The following CLDN10 variants were observed in gnomAD, a reference collection of about 807,000 sequenced individuals.
CLDN10 encodes the protein claudin 10, also known as claudin-10.
CLDN10 carries 15 observed loss-of-function variants against 22.9 expected under a neutral mutation model. That is an observed-to-expected ratio of 0.65 (90% CI 0.44 to 1.01). The LOEUF (loss-of-function observed/expected upper bound fraction) is 1.01, where lower values mean the gene tolerates loss of function less well. CLDN10 is among the 50% of genes least tolerant of loss of function. The probability of loss-of-function intolerance (pLI) is 0.00; values close to 1 mark genes in which losing one functional copy is unlikely to be tolerated. For missense variants in CLDN10, 247 were observed against 287.8 expected, an observed-to-expected ratio of 0.86 and a Z score of 1.03; for synonymous variants, 114 against 111.4, an observed-to-expected ratio of 1.02 and a Z score of -0.15.
At chr13:95,435,863 C>T (rs2042264215) in intron 1 of CLDN10, among the ~76,000 whole-genome samples, 1 of 151,202 alleles carries the variant, frequency 6.6e-6, no homozygotes, top group Non-Finnish European at 1.5e-5. Context: ...TCTATGTTGC[C>T]AAGGCTGGTC....
intron 1 of CLDN10, among the ~76,000 whole-genome samples, chr13:95,540,696 T>C (rs1356720391): frequency 6.6e-6 from 1 of 152,226 alleles, no homozygotes; most frequent in Non-Finnish European, 1.5e-5. Context: ...TAACGTTGGC[T>C]ACTTTTGTCA....
At chr13:95,534,220 T>C (rs944054512) in intron 1 of CLDN10, among the ~76,000 whole-genome samples, 1 of 152,154 alleles carries the variant, frequency 6.6e-6, no homozygotes, top group Non-Finnish European at 1.5e-5. Context: ...AGGTTACATA[T>C]GAAAACACAC....
chr13:95,523,710 G>T (rs1163311992), intron 1 of CLDN10, among the ~76,000 whole-genome samples: 1 of 152,226 alleles, frequency 6.6e-6, no homozygotes, highest in African/African-American at 2.4e-5. Flanking sequence ...CTGAGTAGCT[G>T]AGATTACAGG....
upstream of CLDN10, among the ~76,000 whole-genome samples, chr13:95,552,518 G>A (rs2043577392): frequency 6.9e-6 from 1 of 145,726 alleles, no homozygotes; most frequent in African/African-American, 2.8e-5. Context: ...CGCGGGCGCG[G>A]GCCAGCTGCA....
At chr13:95,527,738 AAAC>A (rs559176035) in intron 1 of CLDN10, among the ~76,000 whole-genome samples, 66 of 152,330 alleles carry the variant, frequency 4.3e-4, no homozygotes, top group African/African-American at 1.5e-3. Flanking sequence ...TCAGTCTCGA[AAAC>A]AACAACAACA....
intron 1 of CLDN10, among the ~76,000 whole-genome samples, chr13:95,546,864 C>G (rs528008789): frequency 3.9e-5 from 6 of 152,262 alleles, no homozygotes; most frequent in Non-Finnish European, 5.9e-5. Context: ...CCCACTTCTT[C>G]TCTTCTTTAT....
intron 1 of CLDN10, among the ~76,000 whole-genome samples, chr13:95,460,881 G>A (rs1052064971): frequency 1.1e-4 from 17 of 152,148 alleles, no homozygotes; most frequent in Admixed American, 7.2e-4. Flanking sequence ...GGCTGAGGCC[G>A]GCGGATTGCC....
chr13:95,472,302 A>T (rs2042641059), intron 1 of CLDN10, among the ~76,000 whole-genome samples: 1 of 152,152 alleles, frequency 6.6e-6, no homozygotes, highest in Non-Finnish European at 1.5e-5. Flanking sequence ...CCAGATACTG[A>T]TAACAAATAC....
intron 1 of CLDN10, among the ~76,000 whole-genome samples, chr13:95,446,853 G>T (rs1379794225): frequency 1.3e-5 from 2 of 151,312 alleles, no homozygotes; most frequent in African/African-American, 4.9e-5. Context: ...AAAAAAAAAA[G>T]AATTAATATA....
At chr13:95,459,354 A>C (rs2042512887) in intron 1 of CLDN10, among the ~76,000 whole-genome samples, 1 of 151,718 alleles carries the variant, frequency 6.6e-6, no homozygotes, top group Non-Finnish European at 1.5e-5. Context: ...CTTCCACACT[A>C]CCCTACCAGA....
chr13:95,509,620 T>C (rs761661855), intron 1 of CLDN10, among the ~76,000 whole-genome samples: 7 of 152,224 alleles, frequency 4.6e-5, no homozygotes, highest in African/African-American at 7.2e-5. Context: ...AGACCGAATA[T>C]AAGCAGATTT....
At position 95,487,799 on chromosome 13, in the gene CLDN10, C is replaced by T. The variant is rs1039233713; in HGVS notation, c.214+53752C>T. ...AAATGACCCTCCCACCTCAGCTTCC[C>T]GAGTATCTAGGACTACAGGTGCACA... On this transcript the variant is annotated intron_variant, in intron 1 of 4. Coordinates refer to the CLDN10 transcript ENST00000376873. Among the ~76,000 whole-genome samples the T allele has an allele frequency of 1.1e-4, 17 of 151,220 alleles. No individual in the cohort carries two copies. The East Asian group carries it at 2.0e-3, about 18-fold the overall frequency.
chr13:95,433,945 A>G, exon 1 of CLDN10: 16 of 1,614,230 alleles, frequency 9.9e-6, no homozygotes, highest in Non-Finnish European at 1.4e-5. Flanking sequence ...CTCCTCGGTG[A>G]TAACAGCCAC....
chr13:95,572,519 A>G (rs1015034824), intron 3 of CLDN10, among the ~76,000 whole-genome samples: 1 of 152,158 alleles, frequency 6.6e-6, no homozygotes, highest in Non-Finnish European at 1.5e-5. Context: ...TGAATATGGT[A>G]ATATTTGTGA....
chr13:95,437,419 T>C (rs1035468885), intron 1 of CLDN10, among the ~76,000 whole-genome samples: 1 of 152,208 alleles, frequency 6.6e-6, no homozygotes, highest in Non-Finnish European at 1.5e-5. Context: ...TTTTCTGTCA[T>C]ATCTACGTTA....
chr13:95,569,925 C>T (rs967212707), intron 3 of CLDN10, among the ~76,000 whole-genome samples: 2 of 152,078 alleles, frequency 1.3e-5, no homozygotes, highest in African/African-American at 2.4e-5. Context: ...CCCGCCACCG[C>T]GCCCGGCTAA....
chr13:95,545,492 G>A (rs1285870363), intron 1 of CLDN10, among the ~76,000 whole-genome samples: 7 of 152,030 alleles, frequency 4.6e-5, no homozygotes, highest in African/African-American at 7.2e-5. Flanking sequence ...AGCCGAGATC[G>A]CGCCTTTGCA....
intron 1 of CLDN10, among the ~76,000 whole-genome samples, chr13:95,442,435 A>G (rs117369514): frequency 3.5e-4 from 54 of 152,302 alleles, no homozygotes; most frequent in Non-Finnish European, 6.8e-4. Context: ...TATTGTGCTC[A>G]TGATGTGAAG....
At chr13:95,562,451 T>G (rs2043727476) in intron 3 of CLDN10, among the ~76,000 whole-genome samples, 1 of 152,196 alleles carries the variant, frequency 6.6e-6, no homozygotes, top group Non-Finnish European at 1.5e-5. Flanking sequence ...TTAAATGGGT[T>G]TTAGACCTCA....
Sources: gnomAD v4.1 joint callset for allele counts (sites outside exome capture counted in the v4.1 genomes callset) on GRCh38, gnomAD v4.1.1 for gene constraint, MANE v1.5 for transcripts, NCBI Gene and HGNC (gene_info 2026-07-23, HGNC 2026-07-21) for gene names.